The following BRD3OS variants were observed in gnomAD, a reference collection of about 807,000 sequenced individuals.
The protein encoded by BRD3OS is uncharacterized protein BRD3OS.
At position 134,031,369 on chromosome 9, in the gene BRD3OS, T is replaced by C. The variant is rs187772743; in HGVS notation, c.*4367T>C. ...AGGCACCCCCGGCTTAGGGTGTACGTATCACCCAGCCCTGTGCTGGCAGCA... is the reference window on the plus strand; with the variant it reads ...AGGCACCCCCGGCTTAGGGTGTACGCATCACCCAGCCCTGTGCTGGCAGCA... On this transcript the variant is annotated 3_prime_UTR_variant, in exon 3 of 3. Coordinates refer to ENST00000603928, the MANE Select transcript of BRD3OS (RefSeq NM_001355256.2). 2.4e-3 allele frequency: 498 copies of C among 207,712 alleles called. 6 individuals are homozygous for C. The Admixed American group carries it at 0.025, about 11-fold the overall frequency. The allele number at this position is 207,712 out of a possible 1,614,324, so 12.9% of individuals were successfully genotyped here. A position where few individuals can be genotyped will look rare whatever the true frequency, so the allele number is the denominator to read the frequency against.
rs60558736 is a variant in BRD3OS at position 134,030,304 on chromosome 9, C to CTTTTTTTTT, written c.*3315_*3323dup. The stretch of plus-strand genomic sequence containing the variant: ...GGAAAATGCAAAAAAAAAAAACAGT[C>CTTTTTTTTT]TTTTTTTTTTTTTTTTTTTTTGCTT... On this transcript the variant is annotated 3_prime_UTR_variant, in exon 3 of 3. Coordinates refer to ENST00000603928, the MANE Select transcript of BRD3OS (RefSeq NM_001355256.2). The CTTTTTTTTT allele has an allele frequency of 3.8e-5, 3 of 78,092 alleles. No homozygotes were observed. Among genetic ancestry groups the CTTTTTTTTT allele is most frequent in the African/African-American group, 5.4e-5 (1 of 18,510 alleles). The allele number at this position is 78,092 out of a possible 1,614,324, so 4.8% of individuals were successfully genotyped here. A position where few individuals can be genotyped will look rare whatever the true frequency, so the allele number is the denominator to read the frequency against.
rs914547855 is a variant in BRD3OS at position 134,027,279 on chromosome 9, C to A, written c.*277C>A. ...ATTCTCCAGGTGCTGCTAGGGACAG[C>A]ATAGGCCCGGGCACTGCTAGATGCT... On this transcript the variant is annotated 3_prime_UTR_variant, in exon 3 of 3. Coordinates refer to ENST00000603928, the MANE Select transcript of BRD3OS (RefSeq NM_001355256.2). 3.5e-4 allele frequency: 98 copies of A among 278,436 alleles called. No individual in the cohort carries two copies. The highest frequency in any genetic ancestry group is 2.1e-3 in the African/African-American group (96 of 45,904). 17.2% of individuals were successfully genotyped at this position (278,436 alleles called of 1,614,324 possible).
Position 134,030,811 on chromosome 9 carries a change from C to T in BRD3OS, c.*3809C>T, listed in dbSNP as rs951957660. 5.6e-5 allele frequency: 13 copies of T among 232,348 alleles called. No homozygotes were observed. Among genetic ancestry groups the T allele is most frequent in the Non-Finnish European group, 9.4e-5 (11 of 117,576 alleles). The allele number at this position is 232,348 out of a possible 1,614,324, so 14.4% of individuals were successfully genotyped here. ...AGGGGTCTGGAGTTCAGTTCACGCC[C>T]GAAGCCTGCCCCCTCGGCCTCCAGG... On this transcript the variant is annotated 3_prime_UTR_variant, in exon 3 of 3. Transcript: ENST00000603928.
In BRD3OS at chr9:134,030,863, A is replaced by G. The variant is rs1440850082; in HGVS notation, c.*3861A>G. On this transcript the variant is annotated 3_prime_UTR_variant, in exon 3 of 3. Coordinates refer to ENST00000603928, the MANE Select transcript of BRD3OS (RefSeq NM_001355256.2). ...GTCATTCAGAGTGTTCTCAAATCCA[A>G]TTCCGACACACGACTTGTCACTACT... The G allele has an allele frequency of 1.3e-5, 3 of 232,252 alleles. No homozygotes were observed. The highest frequency in any genetic ancestry group is 1.8e-4 in the South Asian group (1 of 5,518). 14.4% of individuals were successfully genotyped at this position (232,252 alleles called of 1,614,324 possible).
In BRD3OS at chr9:134,030,274, G is replaced by A. The variant is rs1400163863; in HGVS notation, c.*3272G>A. The stretch of plus-strand genomic sequence containing the variant: ...GAGAGGCTGGGAGCCCCCACAGAAA[G>A]CACAGGAAAATGCAAAAAAAAAAAA... On this transcript the variant is annotated 3_prime_UTR_variant, in exon 3 of 3. Transcript: ENST00000603928. 7.6e-6 allele frequency: 1 copy of A among 131,876 alleles called. No homozygotes were observed. The highest frequency in any genetic ancestry group is 1.7e-4 in the East Asian group (1 of 5,868). 8.2% of individuals were successfully genotyped at this position (131,876 alleles called of 1,614,324 possible).
intron 1 of BRD3OS, 66 bp from the exon 2 acceptor site, chr9:134,025,779 G>C (rs1000288628): frequency 1.3e-5 from 2 of 152,290 alleles, no homozygotes; most frequent in African/African-American, 4.8e-5. Flanking sequence ...CTGGGAAGGC[G>C]TTCGGGAGTG....
Position 134,030,904 on chromosome 9 carries a change from A to G in BRD3OS, c.*3902A>G. The G allele has an allele frequency of 4.3e-6, 1 of 232,080 alleles. No individual in the cohort carries two copies. Among genetic ancestry groups the G allele is most frequent in the Non-Finnish European group, 8.5e-6 (1 of 117,316 alleles). The allele number at this position is 232,080 out of a possible 1,614,324, so 14.4% of individuals were successfully genotyped here. A position where few individuals can be genotyped will look rare whatever the true frequency, so the allele number is the denominator to read the frequency against. On this transcript the variant is annotated 3_prime_UTR_variant, in exon 3 of 3. Transcript: ENST00000603928. ...TGTCACTACTCCTCTCCCCTTGAAAAAAGCATGTTAGAAGCTGCCCTACAG... is the reference window on the plus strand; with the variant it reads ...TGTCACTACTCCTCTCCCCTTGAAAGAAGCATGTTAGAAGCTGCCCTACAG...
rs1843453838 is a variant in BRD3OS, at chr9:134,028,039, T to C, written c.*1037T>C. On this transcript the variant is annotated 3_prime_UTR_variant, in exon 3 of 3. Coordinates refer to ENST00000603928, the MANE Select transcript of BRD3OS (RefSeq NM_001355256.2). ...ACTGACATCTCCTTGGCTACACAAA[T>C]GTGCAGGTGTCTCTTGTCAAAGCTA... 6.6e-6 allele frequency: 1 copy of C among 152,268 alleles called. No homozygotes were observed. Among genetic ancestry groups the C allele is most frequent in the East Asian group, 1.9e-4 (1 of 5,200 alleles). 9.4% of individuals were successfully genotyped at this position (152,268 alleles called of 1,614,324 possible).
Position 134,026,409 on chromosome 9 carries a change from G to T in BRD3OS, c.-339G>T, listed in dbSNP as rs1843429549. ...CATCTCTTCAAGCTCAGTGGTCCAGGCCATGGTGGCAGAATCACCCCCCAG... is the reference window on the plus strand; with the variant it reads ...CATCTCTTCAAGCTCAGTGGTCCAGTCCATGGTGGCAGAATCACCCCCCAG... On this transcript the variant is annotated 5_prime_UTR_variant, in exon 3 of 3. Transcript: ENST00000603928. The surrounding 1 kb of genome is among the most constrained non-coding windows in gnomAD (Gnocchi z 4.4). The T allele has an allele frequency of 5.5e-6, 1 of 180,294 alleles. No individual in the cohort carries two copies. Among genetic ancestry groups the T allele is most frequent in the Non-Finnish European group, 1.1e-5 (1 of 87,230 alleles). The allele number at this position is 180,294 out of a possible 1,614,324, so 11.2% of individuals were successfully genotyped here.
Position 134,031,042 on chromosome 9 carries a change from C to T in BRD3OS, c.*4040C>T, listed in dbSNP as rs1217359688. 4.3e-6 allele frequency: 1 copy of T among 230,624 alleles called. No individual in the cohort carries two copies. The highest frequency in any genetic ancestry group is 2.2e-5 in the African/African-American group (1 of 45,172). 14.3% of individuals were successfully genotyped at this position (230,624 alleles called of 1,614,324 possible). Reference sequence around the variant, plus strand: ...AAGGGCGCTGAGGAAGTCATTAATCCTTCGAAACTCTGAAAAGAAACCAGT... The same window carrying T: ...AAGGGCGCTGAGGAAGTCATTAATCTTTCGAAACTCTGAAAAGAAACCAGT... On this transcript the variant is annotated 3_prime_UTR_variant, in exon 3 of 3. Coordinates refer to ENST00000603928, the MANE Select transcript of BRD3OS (RefSeq NM_001355256.2).
Position 134,030,117 on chromosome 9 carries a change from C to G in BRD3OS, c.*3115C>G, listed in dbSNP as rs1235096551. 1 of 152,010 alleles carries G rather than the reference C, an allele frequency of 6.6e-6. No homozygotes were observed. Among genetic ancestry groups the G allele is most frequent in the Admixed American group, 6.6e-5 (1 of 15,240 alleles). 9.4% of individuals were successfully genotyped at this position (152,010 alleles called of 1,614,324 possible). A position where few individuals can be genotyped will look rare whatever the true frequency, so the allele number is the denominator to read the frequency against. On this transcript the variant is annotated 3_prime_UTR_variant, in exon 3 of 3. Coordinates refer to ENST00000603928, the MANE Select transcript of BRD3OS (RefSeq NM_001355256.2). ...CCTGCCTTTAAATGGTTTTTTGGGGCCCCTTTTGGATGCTCTGGGTGTTTT... is the reference window on the plus strand; with the variant it reads ...CCTGCCTTTAAATGGTTTTTTGGGGGCCCTTTTGGATGCTCTGGGTGTTTT...
Position 134,025,865 on chromosome 9 carries a change from G to T in BRD3OS, c.-766G>T, listed in dbSNP as rs1843423245. ...TCCAGGGGCCTCACGGGAGCTGGATGCTCGGAGCAGCAAGGCGGCCCTGGG... is the reference window on the plus strand; with the variant it reads ...TCCAGGGGCCTCACGGGAGCTGGATTCTCGGAGCAGCAAGGCGGCCCTGGG... On this transcript the variant is annotated 5_prime_UTR_variant, in exon 2 of 3. The change abolishes an upstream ATG in the 5' untranslated region. Coordinates refer to ENST00000603928, the MANE Select transcript of BRD3OS (RefSeq NM_001355256.2). 6.6e-6 allele frequency: 1 copy of T among 152,238 alleles called. No homozygotes were observed. Among genetic ancestry groups the T allele is most frequent in the African/African-American group, 2.4e-5 (1 of 41,458 alleles). 9.4% of individuals were successfully genotyped at this position (152,238 alleles called of 1,614,324 possible). A position where few individuals can be genotyped will look rare whatever the true frequency, so the allele number is the denominator to read the frequency against.
Position 134,029,088 on chromosome 9 carries a change from C to G in BRD3OS, c.*2086C>G, listed in dbSNP as rs1031155258. The G allele has an allele frequency of 6.6e-6, 1 of 152,302 alleles. No homozygotes were observed. Among genetic ancestry groups the G allele is most frequent in the African/African-American group, 2.4e-5 (1 of 41,462 alleles). The allele number at this position is 152,302 out of a possible 1,614,324, so 9.4% of individuals were successfully genotyped here. The stretch of plus-strand genomic sequence containing the variant: ...TGACACTCCCACAGCAAGGCGGGCC[C>G]GCCAAGGAAGCACTCCACATCCGCT... On this transcript the variant is annotated 3_prime_UTR_variant, in exon 3 of 3. Coordinates refer to ENST00000603928, the MANE Select transcript of BRD3OS (RefSeq NM_001355256.2).
Position 134,028,087 on chromosome 9 carries a change from T to G in BRD3OS, c.*1085T>G, listed in dbSNP as rs2132358932. On this transcript the variant is annotated 3_prime_UTR_variant, in exon 3 of 3. Coordinates refer to ENST00000603928, the MANE Select transcript of BRD3OS (RefSeq NM_001355256.2). ...CTAATTTTTCTTTTCTAAATAAACATCCTTTAATACACTCCTCCCCTTCCT... is the reference window on the plus strand; with the variant it reads ...CTAATTTTTCTTTTCTAAATAAACAGCCTTTAATACACTCCTCCCCTTCCT... The G allele has an allele frequency of 6.6e-6, 1 of 152,372 alleles. No homozygotes were observed. The highest frequency in any genetic ancestry group is 2.1e-4 in the South Asian group (1 of 4,832). 9.4% of individuals were successfully genotyped at this position (152,372 alleles called of 1,614,324 possible). A position where few individuals can be genotyped will look rare whatever the true frequency, so the allele number is the denominator to read the frequency against.
rs1169360110 is a variant in BRD3OS at position 134,030,194 on chromosome 9, G to T, written c.*3192G>T. ...TGGGGAGCTCAGCACCCTTGCTGTG[G>T]ACCAGTGAAGGCTGTTCCAGACCAG... On this transcript the variant is annotated 3_prime_UTR_variant, in exon 3 of 3. Coordinates refer to ENST00000603928, the MANE Select transcript of BRD3OS (RefSeq NM_001355256.2). 5 of 154,806 alleles carry T rather than the reference G, an allele frequency of 3.2e-5. No homozygotes were observed. In the Admixed American group the frequency reaches 3.3e-4, roughly 10 times the overall value. The allele number at this position is 154,806 out of a possible 1,614,324, so 9.6% of individuals were successfully genotyped here.
Position 134,030,815 on chromosome 9 carries a change from G to C in BRD3OS, c.*3813G>C. ...GTCTGGAGTTCAGTTCACGCCCGAA[G>C]CCTGCCCCCTCGGCCTCCAGGGGTC... is the stretch of plus-strand genomic sequence containing the variant. On this transcript the variant is annotated 3_prime_UTR_variant, in exon 3 of 3. Transcript: ENST00000603928. 4.3e-6 allele frequency: 1 copy of C among 232,486 alleles called. No individual in the cohort carries two copies. 14.4% of individuals were successfully genotyped at this position (232,486 alleles called of 1,614,324 possible). A position where few individuals can be genotyped will look rare whatever the true frequency, so the allele number is the denominator to read the frequency against.
rs1843457891 is a variant in BRD3OS at position 134,028,346 on chromosome 9, G to C, written c.*1344G>C. On this transcript the variant is annotated 3_prime_UTR_variant, in exon 3 of 3. Coordinates refer to ENST00000603928, the MANE Select transcript of BRD3OS (RefSeq NM_001355256.2). ...ATCCTGCACCATGCCTCTTGTATCC[G>C]CCATTTTCTTTCTTGCTCAACTGTA... The C allele has an allele frequency of 6.6e-6, 1 of 152,182 alleles. No individual in the cohort carries two copies. Among genetic ancestry groups the C allele is most frequent in the Non-Finnish European group, 1.5e-5 (1 of 68,056 alleles). 9.4% of individuals were successfully genotyped at this position (152,182 alleles called of 1,614,324 possible).
At position 134,027,121 on chromosome 9, in the gene BRD3OS, A is replaced by G. The variant is rs1424719078; in HGVS notation, c.*119A>G. On this transcript the variant is annotated 3_prime_UTR_variant, in exon 3 of 3. Transcript: ENST00000603928. ...AAGATTTTGAATAATGAACGTGAAG[A>G]TCAAACTGTGGTGTAAGAACCCAAG... 1.3e-5 allele frequency: 5 copies of G among 396,232 alleles called. No homozygotes were observed. The highest frequency in any genetic ancestry group is 1.8e-5 in the Non-Finnish European group (4 of 225,104). The allele number at this position is 396,232 out of a possible 1,614,324, so 24.5% of individuals were successfully genotyped here. A position where few individuals can be genotyped will look rare whatever the true frequency, so the allele number is the denominator to read the frequency against.
chr9:134,029,026 G>A lies in BRD3OS; in HGVS notation c.*2024G>A, dbSNP rs1276907955. The stretch of plus-strand genomic sequence containing the variant: ...AGGATTGCCGCATGGAGCTGCAGAG[G>A]GAGTGAGCATGGGGCTGGAGGACCT... On this transcript the variant is annotated 3_prime_UTR_variant, in exon 3 of 3. Transcript: ENST00000603928. 6.6e-6 allele frequency: 1 copy of A among 152,278 alleles called. No individual in the cohort carries two copies. The allele number at this position is 152,278 out of a possible 1,614,324, so 9.4% of individuals were successfully genotyped here.
Sources: allele counts gnomAD v4.1 joint callset, GRCh38; gene constraint gnomAD v4.1.1; non-coding constraint Gnocchi (gnomAD v3.1); transcripts MANE v1.5; gene names NCBI Gene and HGNC (gene_info 2026-07-23, HGNC 2026-07-21).